Variants in ACADSB observed in about 807,000 individuals in gnomAD.
The protein encoded by ACADSB is short/branched chain specific acyl-CoA dehydrogenase, mitochondrial.
In ACADSB, 40 loss-of-function variants were observed where a neutral mutation model predicts 54.1. That is an observed-to-expected ratio of 0.74 (90% CI 0.57 to 0.96). ACADSB has a LOEUF of 0.96. Among genes scored for constraint, ACADSB ranks in the 40% least tolerant of loss-of-function variants. The probability of loss-of-function intolerance (pLI) is 0.00; values close to 1 mark genes in which losing one functional copy is unlikely to be tolerated. For missense variants in ACADSB, 530 were observed against 510.4 expected, an observed-to-expected ratio of 1.04 and a Z score of -0.37; for synonymous variants, 182 against 182.8, an observed-to-expected ratio of 1.00 and a Z score of 0.03.
chr10:123,014,896 T>C (rs912713037), intron 1 of ACADSB, among the ~76,000 whole-genome samples: 1 of 152,188 alleles, frequency 6.6e-6, no homozygotes, highest in Non-Finnish European at 1.5e-5. Flanking sequence ...TATGCCACTA[T>C]AGGTGATGTA....
At chr10:123,014,821 A>G (rs914903954) in intron 1 of ACADSB, among the ~76,000 whole-genome samples, 1 of 152,254 alleles carries the variant, frequency 6.6e-6, no homozygotes, top group Non-Finnish European at 1.5e-5. Flanking sequence ...TGCGGATTCC[A>G]GGGCAAGGAA....
chr10:123,023,018 T>C (rs1364001921), intron 1 of ACADSB, among the ~76,000 whole-genome samples: 1 of 152,368 alleles, frequency 6.6e-6, no homozygotes, highest in Non-Finnish European at 1.5e-5. Flanking sequence ...TAATTGTTTT[T>C]AATAGCCAGT....
chr10:123,017,153 A>AT (rs1232285766), intron 1 of ACADSB, among the ~76,000 whole-genome samples: 1 of 152,172 alleles, frequency 6.6e-6, no homozygotes, highest in African/African-American at 2.4e-5. Flanking sequence ...TAATTATGTG[A>AT]TTAAAAAAAA....
chr10:123,022,293 C>T (rs980555837), intron 1 of ACADSB, among the ~76,000 whole-genome samples: 2 of 152,196 alleles, frequency 1.3e-5, no homozygotes, highest in Non-Finnish European at 2.9e-5. Flanking sequence ...AAATGTCACA[C>T]AGATATCAAA....
chr10:123,045,182 T>TTTTA (rs1850545034), intron 7 of ACADSB, among the ~76,000 whole-genome samples: 3 of 81,840 alleles, frequency 3.7e-5, no homozygotes, highest in Non-Finnish European at 7.5e-5. Context: ...TTTTTTTTTT[T>TTTTA]TTTTTTTTTT....
At chr10:123,036,379 G>A (rs183185600) in intron 2 of ACADSB, among the ~76,000 whole-genome samples, 129 of 152,330 alleles carry the variant, frequency 8.5e-4, no homozygotes, top group African/African-American at 2.8e-3. Context: ...GAGCCACTGC[G>A]CCCAGCTAGT....
chr10:123,049,848 A>T (rs1014323695), intron 8 of ACADSB, among the ~76,000 whole-genome samples: 2 of 152,236 alleles, frequency 1.3e-5, no homozygotes, highest in Non-Finnish European at 2.9e-5. Flanking sequence ...ACCTCATGGT[A>T]GGAAAGGTTT....
chr10:123,015,534 C>A (rs1027090996), intron 1 of ACADSB, among the ~76,000 whole-genome samples: 4 of 152,304 alleles, frequency 2.6e-5, no homozygotes, highest in Non-Finnish European at 4.4e-5. Flanking sequence ...ATGTCTCCAT[C>A]CATGGCCAAA....
chr10:123,051,066 G>T lies in ACADSB; in HGVS notation c.1008G>T (p.Val336=), dbSNP rs1240421187. 1.9e-6 allele frequency: 3 copies of T among 1,612,140 alleles called. No homozygotes were observed. Among genetic ancestry groups the T allele is most frequent in the Non-Finnish European group, 2.5e-6 (3 of 1,179,846 alleles). ...LFDFQGLQHQ[V]AHVATQLEAA... ...TGTTACAGGGCCTCCAACACCAAGT[G>T]GCTCACGTGGCCACCCAGCTGGAAG... The change falls in exon 9 of 11, where the codon GTG becomes GTT. Residue 336 remains valine (V), a synonymous_variant. Transcript: ENST00000358776.
chr10:123,029,778 G>T (rs1172412186), intron 1 of ACADSB, among the ~76,000 whole-genome samples: 1 of 152,206 alleles, frequency 6.6e-6, no homozygotes, highest in Non-Finnish European at 1.5e-5. Context: ...TTGTGCATAT[G>T]AACTGAGGTA....
chr10:123,051,923 T>C lies in ACADSB; in HGVS notation c.1128+737T>C, dbSNP rs150951487. The stretch of plus-strand genomic sequence containing the variant: ...GCTTTCCCTCACCCCCCACATTGAG[T>C]CCAGCATCATTTCCTATGATTCTAC... On this transcript the variant is annotated intron_variant, in intron 9 of 10. Coordinates refer to ENST00000358776, the MANE Select transcript of ACADSB (RefSeq NM_001609.4). 5.9e-5 allele frequency among the ~76,000 whole-genome samples: 9 copies of C among 152,216 alleles called. No individual in the cohort carries two copies. The East Asian group carries it at 1.7e-3, about 29-fold the overall frequency.
chr10:123,022,653 C>A (rs1185376434), intron 1 of ACADSB, among the ~76,000 whole-genome samples: 1 of 152,124 alleles, frequency 6.6e-6, no homozygotes, highest in Non-Finnish European at 1.5e-5. Flanking sequence ...GCCTTTCTGG[C>A]ATATTCTGTA....
chr10:123,019,656 C>A (rs1850157055), intron 1 of ACADSB, among the ~76,000 whole-genome samples: 1 of 152,216 alleles, frequency 6.6e-6, no homozygotes, highest in African/African-American at 2.4e-5. Flanking sequence ...TTACTGACTC[C>A]ATTTTGATTC....
chr10:123,011,836 T>C (rs1362565236), intron 1 of ACADSB, among the ~76,000 whole-genome samples: 2 of 151,002 alleles, frequency 1.3e-5, no homozygotes, highest in African/African-American at 2.4e-5. Context: ...ACCAGGCCGC[T>C]TGATGTCTTT....
At chr10:123,025,631 A>C (rs1405551239) in intron 1 of ACADSB, among the ~76,000 whole-genome samples, 1 of 152,214 alleles carries the variant, frequency 6.6e-6, no homozygotes, top group Non-Finnish European at 1.5e-5. Context: ...CCTGGAAATC[A>C]ATGGGAACAG....
intron 1 of ACADSB, among the ~76,000 whole-genome samples, chr10:123,033,115 C>T (rs1186577084): frequency 6.6e-6 from 1 of 152,184 alleles, no homozygotes; most frequent in Non-Finnish European, 1.5e-5. Flanking sequence ...CCAAAGTTTT[C>T]CTGTCCCAAC....
intron 6 of ACADSB, among the ~76,000 whole-genome samples, chr10:123,043,578 C>T (rs1242234138): frequency 1.3e-5 from 2 of 152,186 alleles, no homozygotes; most frequent in Non-Finnish European, 1.5e-5. Context: ...TAAACGTGAG[C>T]AGCAGAAGAT....
At chr10:123,026,365 T>C (rs1433131173) in intron 1 of ACADSB, among the ~76,000 whole-genome samples, 3 of 152,206 alleles carry the variant, frequency 2.0e-5, no homozygotes, top group Non-Finnish European at 1.5e-5. Context: ...TCAGAGCCCC[T>C]CTATCATCAC....
chr10:123,032,464 G>GT (rs1321927253), intron 1 of ACADSB, among the ~76,000 whole-genome samples: 1 of 151,770 alleles, frequency 6.6e-6, no homozygotes, highest in East Asian at 1.9e-4. Flanking sequence ...AAGAAGCCTA[G>GT]TTGACACATT....
Sources: gnomAD v4.1 joint callset for allele counts (sites outside exome capture counted in the v4.1 genomes callset) on GRCh38, gnomAD v4.1.1 for gene constraint, MANE v1.5 for transcripts, NCBI Gene and HGNC (gene_info 2026-07-23, HGNC 2026-07-21) for gene names.